The following RAD54L variants were observed in gnomAD, a reference collection of about 807,000 sequenced individuals.
The protein encoded by RAD54L is RAD54 like, also known as DNA repair and recombination protein RAD54-like.
A neutral mutation model predicts 91.6 loss-of-function variants in RAD54L; 74 were observed. That is an observed-to-expected ratio of 0.81 (90% CI 0.67 to 0.98). RAD54L has a LOEUF of 0.98. Ranked by LOEUF, RAD54L falls within the 50% of genes least tolerant of loss-of-function variation. RAD54L has a pLI of 0.00. For synonymous variants in RAD54L, 304 were observed against 349.7 expected, an observed-to-expected ratio of 0.87 and a Z score of 1.46; for missense variants, 887 against 945.7, an observed-to-expected ratio of 0.94 and a Z score of 0.81.
At position 46,247,871 on chromosome 1, in the gene RAD54L, T is replaced by C. The variant is rs10437094; in HGVS notation, c.-535T>C. On this transcript the variant is annotated 5_prime_UTR_variant, in exon 1 of 18. Coordinates refer to ENST00000371975, the MANE Select transcript of RAD54L (RefSeq NM_003579.4). ...CTGGTATTCCCCTCCTAACCTGGGT[T>C]TTTTACACGCCCGCGTGGCTTCCTG... 6.7e-3 allele frequency: 1,505 copies of C among 225,386 alleles called. 21 individuals carry two copies. The highest frequency in any genetic ancestry group is 0.024 in the African/African-American group (1,047 of 43,700). 14.0% of individuals were successfully genotyped at this position (225,386 alleles called of 1,614,324 possible).
chr1:46,277,628 C>G (rs1660650996), intron 16 of RAD54L, 189 bp from the exon 17 acceptor site: 2 of 680,840 alleles, frequency 2.9e-6, no homozygotes, highest in Non-Finnish European at 2.5e-6. Context: ...CTATTCATGT[C>G]ATGTTCTCAG....
At chr1:46,261,169 A>T (rs1479469319) in intron 7 of RAD54L, 92 bp from the exon 8 acceptor site, 2 of 1,572,740 alleles carry the variant, frequency 1.3e-6, no homozygotes, top group East Asian at 4.5e-5. Flanking sequence ...AGTTGTTTCC[A>T]GGCTAAATTA....
rs1660494632 is a variant in RAD54L, at chr1:46,273,472, C to T, written c.1486+7C>T. ...CTGGAGCCCCAGCTGTCAGGTGACC[C>T]TTTTCCTACCAGTATTTGGGCTTCT... On this transcript the variant is annotated splice_region_variant and intron_variant, in intron 13 of 17. Transcript: ENST00000371975. 3 of 1,612,392 alleles carry T rather than the reference C, an allele frequency of 1.9e-6. No individual in the cohort carries two copies. The highest frequency in any genetic ancestry group is 1.7e-5 in the Admixed American group (1 of 60,008).
chr1:46,261,070 T>C lies in RAD54L; in HGVS notation c.766+55T>C, dbSNP rs796525026. On this transcript the variant is annotated intron_variant, in intron 7 of 17. Coordinates refer to ENST00000371975, the MANE Select transcript of RAD54L (RefSeq NM_003579.4). ...TCTCCTGCACAGCCTGCTGCTTTCT[T>C]ACGTGTATGCTCATTTATGGCCAGG... is the stretch of plus-strand genomic sequence containing the variant. The C allele has an allele frequency of 1.7e-5, 27 of 1,591,368 alleles. No individual in the cohort carries two copies. In the African/African-American group the frequency reaches 2.3e-4, roughly 13 times the overall value.
chr1:46,258,899 A>G (rs1660013850), intron 4 of RAD54L, among the ~76,000 whole-genome samples, 153 bp downstream of exon 4: 1 of 152,186 alleles, frequency 6.6e-6, no homozygotes, highest in Non-Finnish European at 1.5e-5. Flanking sequence ...TGAGGCCTGC[A>G]TGAAAACTGT....
rs375215159 is a variant in RAD54L, at chr1:46,253,613, A to T, written c.210+3494A>T. 3.0e-4 allele frequency among the ~76,000 whole-genome samples: 44 copies of T among 145,046 alleles called. No individual in the cohort carries two copies. In the South Asian group the frequency reaches 8.2e-3, roughly 27 times the overall value. On this transcript the variant is annotated intron_variant, in intron 3 of 17. Transcript: ENST00000371975. ...CTGGTGACAGAGCGAGACTCTGTCT[A>T]AAAAAAAAAAAGAATTCACACAAAA... is the stretch of plus-strand genomic sequence containing the variant.
chr1:46,272,364 G>A (rs1196940228), intron 10 of RAD54L, 102 bp from the exon 11 acceptor site: 2 of 1,071,170 alleles, frequency 1.9e-6, no homozygotes, highest in Non-Finnish European at 2.9e-6. Context: ...ATTTAATACT[G>A]TAAAAGAGGG....
rs757409617 is a variant in RAD54L at position 46,274,168 on chromosome 1, G to C, written c.1641G>C (p.Met547Ile). Residue 547 changes from methionine (M) to isoleucine (I), a missense_variant, in exon 15 of 18, where the codon ATG becomes ATC. Coordinates refer to ENST00000371975, the MANE Select transcript of RAD54L (RefSeq NM_003579.4). Reference sequence around the variant, plus strand: ...TATACGTCCGCCTGGATGGCACGATGTCCATTAAGAAGCGAGCCAAGGTTG... The same window carrying C: ...TATACGTCCGCCTGGATGGCACGATCTCCATTAAGAAGCGAGCCAAGGTTG... ...RYLYVRLDGT[M>I]SIKKRAKVVE... is the part of the protein sequence containing the mutation. The C allele has an allele frequency of 6.2e-6, 10 of 1,613,892 alleles. No individual in the cohort carries two copies. In the South Asian group the frequency reaches 1.1e-4, roughly 18 times the overall value.
At chr1:46,253,720 CTT>C (rs3063981) in intron 3 of RAD54L, among the ~76,000 whole-genome samples, 2 of 83,598 alleles carry the variant, frequency 2.4e-5, no homozygotes, top group East Asian at 4.3e-4. Flanking sequence ...CTTAGGTACT[CTT>C]TTTTTTTTTT....
chr1:46,272,674 T>G lies in RAD54L; in HGVS notation c.1247T>G (p.Leu416Arg). Residue 416 changes from leucine (L) to arginine (R), a missense_variant and splice_region_variant, in exon 12 of 18, where the codon CTG (leucine) becomes CGG (arginine). Leu to Arg is a moderately radical substitution (Grantham distance 102, BLOSUM62 -2). Coordinates refer to ENST00000371975, the MANE Select transcript of RAD54L (RefSeq NM_003579.4). ...ACTGACCCAGCTGCCTTTTTTAGGCTGACACCCCTTCAGACTGAGTTATAC... is the reference window on the plus strand; with the variant it reads ...ACTGACCCAGCTGCCTTTTTTAGGCGGACACCCCTTCAGACTGAGTTATAC... ...VKIEQVVCCR[L>R]TPLQTELYKR... 1 of 1,614,210 alleles carries G rather than the reference T, an allele frequency of 6.2e-7. No individual in the cohort carries two copies. Among genetic ancestry groups the G allele is most frequent in the Non-Finnish European group, 8.5e-7 (1 of 1,180,044 alleles).
At chr1:46,269,292 GA>G (rs1660354868) in intron 9 of RAD54L, among the ~76,000 whole-genome samples, 1 of 150,886 alleles carries the variant, frequency 6.6e-6, no homozygotes, top group Non-Finnish European at 1.5e-5. Flanking sequence ...CCATTAGTGT[GA>G]ATATTCCAAC....
At chr1:46,255,706 G>A (rs796651763) in intron 3 of RAD54L, among the ~76,000 whole-genome samples, 18 of 152,062 alleles carry the variant, frequency 1.2e-4, no homozygotes, top group African/African-American at 4.3e-4. Context: ...TCACCATGTT[G>A]GCAAGGCAGA....
At chr1:46,262,470 AAAC>A (rs982868806) in intron 8 of RAD54L, among the ~76,000 whole-genome samples, 19 of 152,282 alleles carry the variant, frequency 1.2e-4, no homozygotes, top group South Asian at 4.1e-4. Context: ...CTTTCTCAAA[AAAC>A]AACACCACAC....
rs1002442862 is a variant in RAD54L at position 46,256,648 on chromosome 1, A to G, written c.211-2038A>G. The stretch of plus-strand genomic sequence containing the variant: ...GACCCTGTCTTTTAAAAAAAAAAAA[A>G]GTCAATAAAAGATTTTATTCAGATG... On this transcript the variant is annotated intron_variant, in intron 3 of 17. Coordinates refer to ENST00000371975, the MANE Select transcript of RAD54L (RefSeq NM_003579.4). Among the ~76,000 whole-genome samples, 4 of 151,698 alleles carry G rather than the reference A, an allele frequency of 2.6e-5. No homozygotes were observed. In the East Asian group the frequency reaches 7.8e-4, roughly 29 times the overall value.
At position 46,274,229 on chromosome 1, in the gene RAD54L, C is replaced by A. The variant is rs1660526678; in HGVS notation, c.1689+13C>A. The A allele has an allele frequency of 6.3e-7, 1 of 1,599,824 alleles. No individual in the cohort carries two copies. Among genetic ancestry groups the A allele is most frequent in the South Asian group, 1.1e-5 (1 of 90,722 alleles). ...CAATAGTCCATCGGTAAATGCACAT[C>A]CCCGTCCCCACACCACCAATGCAGT... is the stretch of plus-strand genomic sequence containing the variant. On this transcript the variant is annotated intron_variant, in intron 15 of 17. Coordinates refer to ENST00000371975, the MANE Select transcript of RAD54L (RefSeq NM_003579.4).
chr1:46,276,142 A>G (rs1195146957), intron 16 of RAD54L, among the ~76,000 whole-genome samples: 2 of 152,124 alleles, frequency 1.3e-5, no homozygotes, highest in Admixed American at 6.6e-5. Flanking sequence ...AGCACTTTAG[A>G]AGTATCATGA....
intron 2 of RAD54L, among the ~76,000 whole-genome samples, chr1:46,249,774 G>A (rs1272183394): frequency 3.9e-5 from 6 of 152,208 alleles, no homozygotes; most frequent in East Asian, 1.9e-4. Context: ...CCATTGCCCC[G>A]CTCAGTTTAG....
intron 16 of RAD54L, among the ~76,000 whole-genome samples, chr1:46,275,669 A>G (rs1660573081): frequency 6.6e-6 from 1 of 152,094 alleles, no homozygotes; most frequent in South Asian, 2.1e-4. Flanking sequence ...TCAAGCATCT[A>G]CCATTTCTCT....
At chr1:46,256,566 G>C (rs1659945434) in intron 3 of RAD54L, among the ~76,000 whole-genome samples, 1 of 151,234 alleles carries the variant, frequency 6.6e-6, no homozygotes, top group Non-Finnish European at 1.5e-5. Context: ...CCAGGACTTA[G>C]AGACTGCAGT....
Sources: allele counts gnomAD v4.1 joint callset (sites outside exome capture counted in the v4.1 genomes callset), GRCh38; gene constraint gnomAD v4.1.1; transcripts MANE v1.5; gene names NCBI Gene and HGNC (gene_info 2026-07-23, HGNC 2026-07-21).